The following SYT6 variants were observed in gnomAD, a reference collection of about 807,000 sequenced individuals.
SYT6 encodes synaptotagmin-6.
Under a neutral mutation model 38.4 loss-of-function variants are expected in SYT6, and 24 were observed. The observed-to-expected ratio is 0.62, with a 90% CI of 0.45 to 0.88. SYT6 has a LOEUF of 0.88. Ranked by LOEUF, SYT6 falls within the 40% of genes least tolerant of loss-of-function variation. The pLI is 0.00. For missense variants in SYT6, 611 were observed against 621.0 expected, an observed-to-expected ratio of 0.98 and a Z score of 0.17; for synonymous variants, 265 against 241.9, an observed-to-expected ratio of 1.10 and a Z score of -0.89.
At chr1:114,138,159 G>A (rs908660897) in intron 2 of SYT6, 106 bp from the exon 3 acceptor site, 35 of 1,145,836 alleles carry the variant, frequency 3.1e-5, no homozygotes, top group East Asian at 1.3e-4. Flanking sequence ...ATCCCTTGTT[G>A]AGCCCCCTTT....
chr1:114,109,956 G>A (rs1361197770), intron 3 of SYT6, among the ~76,000 whole-genome samples: 2 of 152,216 alleles, frequency 1.3e-5, no homozygotes, highest in East Asian at 1.9e-4. Flanking sequence ...GAAGGGGCAG[G>A]GAGTGTTCGG....
chr1:114,137,007 T>C (rs931269419), intron 3 of SYT6, among the ~76,000 whole-genome samples: 4 of 152,204 alleles, frequency 2.6e-5, no homozygotes, highest in Admixed American at 6.5e-5. Flanking sequence ...CGTGTCTAAA[T>C]GCAGCCTCTG....
chr1:114,130,538 C>A (rs981437854), intron 3 of SYT6, among the ~76,000 whole-genome samples: 4 of 152,178 alleles, frequency 2.6e-5, no homozygotes, highest in African/African-American at 9.7e-5. Flanking sequence ...TCTCCTTCTG[C>A]CATCTGTATC....
chr1:114,107,707 ACTCT>A (rs1174002900), intron 3 of SYT6, among the ~76,000 whole-genome samples: 5 of 151,832 alleles, frequency 3.3e-5, no homozygotes, highest in Non-Finnish European at 7.4e-5. Context: ...CCTGGTAGTC[ACTCT>A]CTCTCTCTGG....
intron 3 of SYT6, among the ~76,000 whole-genome samples, chr1:114,123,314 T>C (rs1232604979): frequency 6.6e-6 from 1 of 152,178 alleles, no homozygotes; most frequent in African/African-American, 2.4e-5. Context: ...GTTGGACTGT[T>C]CCTAGCACAT....
intron 3 of SYT6, among the ~76,000 whole-genome samples, chr1:114,122,929 G>T (rs1557750730): frequency 6.6e-6 from 1 of 152,150 alleles, no homozygotes; most frequent in Non-Finnish European, 1.5e-5. Context: ...CAAAATGCCT[G>T]TCCGGGCCCT....
At chr1:114,116,233 C>T (rs1676989227) in intron 3 of SYT6, among the ~76,000 whole-genome samples, 1 of 152,200 alleles carries the variant, frequency 6.6e-6, no homozygotes, top group Non-Finnish European at 1.5e-5. Context: ...GTCATTCTCT[C>T]ACCAAGTGCC....
chr1:114,149,104 T>A (rs890391481), intron 1 of SYT6, among the ~76,000 whole-genome samples: 6 of 151,744 alleles, frequency 4.0e-5, no homozygotes, highest in Admixed American at 3.9e-4. Flanking sequence ...TGCCCCATCT[T>A]CTTCCCTGGA....
intron 3 of SYT6, among the ~76,000 whole-genome samples, chr1:114,120,146 T>C (rs1424036850): frequency 6.6e-6 from 1 of 152,096 alleles, no homozygotes; most frequent in Non-Finnish European, 1.5e-5. Flanking sequence ...GGTTTTATAA[T>C]TACCCCCACT....
chr1:114,092,203 A>C, intron 7 of SYT6, 121 bp from the exon 8 acceptor site: 1 of 970,060 alleles, frequency 1.0e-6, no homozygotes, highest in Non-Finnish European at 1.5e-6. Context: ...GCTTTCTTGA[A>C]TTTTGCTGTC....
In SYT6 at chr1:114,097,806, CA is replaced by C; in HGVS notation, c.1435del (p.Trp479GlyfsTer21). On this transcript the variant is annotated frameshift_variant, in exon 6 of 8. Coordinates refer to ENST00000610222, the MANE Select transcript of SYT6 (RefSeq NM_001253772.2). LOFTEE classifies it high-confidence loss of function. ...CCGGGGGTATGCCAGCATCTCGTTC[CA>C]GTGGTCCCTGCCCAGGCCTTCAGCA... ...ITAEGLGRDH[W>X]NEMLAYPRKP... 6.2e-7 allele frequency: 1 copy of C among 1,614,214 alleles called. No individual in the cohort carries two copies. Among genetic ancestry groups the C allele is most frequent in the Non-Finnish European group, 8.5e-7 (1 of 1,180,044 alleles).
rs567633822 is a variant in SYT6, at chr1:114,101,274, T to C, written c.1193-2009A>G. ...GCATCCATGAAGCCAAGCAGACAGA[T>C]GACCGTTCCCTAGGCTTTTCTGGGG... On this transcript the variant is annotated intron_variant, in intron 4 of 7. Transcript: ENST00000610222. Among the ~76,000 whole-genome samples the C allele has an allele frequency of 2.0e-5, 3 of 152,286 alleles. No homozygotes were observed. In the South Asian group the frequency reaches 6.2e-4, roughly 32 times the overall value.
At chr1:114,126,552 C>T (rs11581857) in intron 3 of SYT6, among the ~76,000 whole-genome samples, 46,147 of 152,010 alleles carry the variant, frequency 0.3, 7,555 homozygotes, top group African/African-American at 0.43. Flanking sequence ...TCACTGTGTG[C>T]TATTAGGTGG....
rs766432523 is a variant in SYT6 at position 114,139,764 on chromosome 1, G to T, written c.363C>A (p.Asp121Glu). The change falls in exon 2 of 8, where the codon GAC becomes GAA. Residue 121 changes from aspartate (D) to glutamate (E), a missense_variant. Physicochemically the swap from Asp to Glu is conservative, Grantham distance 45. Transcript: ENST00000610222. ...CCTCCAGGAAGCCCAGGGTGCTGGG[G>T]TCCTTCAGCTTGTCCGCCATGTTGC... is the stretch of plus-strand genomic sequence containing the variant. ...FRGNMADKLK[D>E]PSTLGFLEAA... 29 of 1,613,720 alleles carry T rather than the reference G, an allele frequency of 1.8e-5. No individual in the cohort carries two copies. Among genetic ancestry groups the T allele is most frequent in the African/African-American group, 2.7e-5 (2 of 74,910 alleles).
Position 114,146,520 on chromosome 1 carries a change from T to G in SYT6, c.164-6557A>C, listed in dbSNP as rs56109141. Among the ~76,000 whole-genome samples, 861 of 152,324 alleles carry G rather than the reference T, an allele frequency of 5.7e-3. 6 individuals carry two copies. Among genetic ancestry groups the G allele is most frequent in the African/African-American group, 0.02 (823 of 41,568 alleles). On this transcript the variant is annotated intron_variant, in intron 1 of 7. Coordinates refer to ENST00000610222, the MANE Select transcript of SYT6 (RefSeq NM_001253772.2). ...CACATCTTGTTTGAACTTTGACCCCTTGAGGCAGCTAGAACTTTGATGGGC... is the reference window on the plus strand; with the variant it reads ...CACATCTTGTTTGAACTTTGACCCCGTGAGGCAGCTAGAACTTTGATGGGC...
chr1:114,129,653 TTTTC>T (rs143511158), intron 3 of SYT6, among the ~76,000 whole-genome samples: 26,221 of 141,088 alleles, frequency 0.19, 3,504 homozygotes, highest in Middle Eastern at 0.35. Flanking sequence ...CTTTCTTTCT[TTTTC>T]TTTCTTTCTT....
At chr1:114,125,656 C>T (rs938350317) in intron 3 of SYT6, among the ~76,000 whole-genome samples, 2 of 152,216 alleles carry the variant, frequency 1.3e-5, no homozygotes, top group Non-Finnish European at 2.9e-5. Context: ...GCTGCTGACA[C>T]TAAAACACCA....
intron 3 of SYT6, among the ~76,000 whole-genome samples, chr1:114,107,310 T>C (rs1377465667): frequency 6.6e-6 from 1 of 152,142 alleles, no homozygotes; most frequent in Non-Finnish European, 1.5e-5. Context: ...ACCTCCCTGG[T>C]TTTTGCAGGA....
At chr1:114,104,674 A>ATCCG (rs1676176346) in intron 3 of SYT6, among the ~76,000 whole-genome samples, 1 of 151,904 alleles carries the variant, frequency 6.6e-6, no homozygotes, top group Admixed American at 6.5e-5. Flanking sequence ...CCCTCCATCC[A>ATCCG]TCCATCCATT....
Sources: gnomAD v4.1 joint callset for allele counts (sites outside exome capture counted in the v4.1 genomes callset) on GRCh38, gnomAD v4.1.1 for gene constraint, MANE v1.5 for transcripts, NCBI Gene and HGNC (gene_info 2026-07-23, HGNC 2026-07-21) for gene names.